Variants in RNF168 observed in about 807,000 individuals in gnomAD.
RNF168 encodes the protein E3 ubiquitin-protein ligase RNF168.
A neutral mutation model predicts 34.9 loss-of-function variants in RNF168; 34 were observed. The observed-to-expected ratio is 0.97, with a 90% CI of 0.74 to 1.30. The LOEUF (loss-of-function observed/expected upper bound fraction) is 1.30. Among genes scored for constraint, RNF168 ranks in the 50% most tolerant of loss-of-function variants. The pLI is 0.00. For missense variants in RNF168, 725 were observed against 682.5 expected, an observed-to-expected ratio of 1.06 and a Z score of -0.69; for synonymous variants, 264 against 254.7, an observed-to-expected ratio of 1.04 and a Z score of -0.35.
intron 1 of RNF168, among the ~76,000 whole-genome samples, chr3:196,490,167 G>A (rs7433483): frequency 0.74 from 113,280 of 152,078 alleles, 43,985 homozygotes; most frequent in African/African-American, 0.93. Flanking sequence ...GCAGGACTAG[G>A]GAAACAGTAA....
rs1732944307 is a variant in RNF168 at position 196,503,110 on chromosome 3, T to C, written c.64A>G (p.Ile22Val). Residue 22 changes from isoleucine to valine, a missense_variant, in exon 1 of 6, where the codon ATC becomes GTC. Transcript: ENST00000318037. ...GGGAGGGTGACGGGCTCCACGAGGATTTCCATGCAGATCCCGCACTGGCAC... is the reference window on the plus strand; with the variant it reads ...GGGAGGGTGACGGGCTCCACGAGGACTTCCATGCAGATCCCGCACTGGCAC... ...SECQCGICME[I>V]LVEPVTLPCN... The C allele has an allele frequency of 4.3e-6, 7 of 1,613,896 alleles. No individual in the cohort carries two copies. Among genetic ancestry groups the C allele is most frequent in the Non-Finnish European group, 5.9e-6 (7 of 1,179,954 alleles).
chr3:196,490,302 CTG>C (rs535330859), intron 1 of RNF168, among the ~76,000 whole-genome samples: 377 of 152,274 alleles, frequency 2.5e-3, no homozygotes, highest in African/African-American at 8.2e-3. Flanking sequence ...AAACAAGACA[CTG>C]TTTTATAAAG....
intron 3 of RNF168, among the ~76,000 whole-genome samples, chr3:196,484,484 T>A (rs1029207082): frequency 1.4e-5 from 2 of 145,192 alleles, no homozygotes; most frequent in Non-Finnish European, 3.0e-5. Context: ...TTTTTTTTTT[T>A]TTTTTTTTTT....
chr3:196,498,909 C>G (rs1386651592), intron 1 of RNF168, among the ~76,000 whole-genome samples: 1 of 151,636 alleles, frequency 6.6e-6, no homozygotes, highest in Non-Finnish European at 1.5e-5. Context: ...GCAGGAGAAT[C>G]ACTTGAACCC....
At chr3:196,480,672 C>G (rs1220824474) in intron 4 of RNF168, among the ~76,000 whole-genome samples, 1 of 152,090 alleles carries the variant, frequency 6.6e-6, no homozygotes, top group Non-Finnish European at 1.5e-5. Context: ...GAGACATGGT[C>G]TTGTCTGTTG....
chr3:196,487,426 T>C lies in RNF168; in HGVS notation c.531A>G (p.Glu177=), dbSNP rs1425328957. 6 of 1,614,186 alleles carry C rather than the reference T, an allele frequency of 3.7e-6. No individual in the cohort carries two copies. The highest frequency in any genetic ancestry group is 5.1e-6 in the Non-Finnish European group (6 of 1,180,002). ...AMEEQLKSDE[E]LARKLSIDIN... is the part of the protein sequence containing the mutation. ...TATCAATGCTTAGCTTTCTTGCCAG[T>C]TCCTCATCACTTTTCAGTTGTTCTT... Residue 177 remains glutamate (E), a synonymous_variant, in exon 3 of 6, where the codon GAA becomes GAG. Coordinates refer to ENST00000318037, the MANE Select transcript of RNF168 (RefSeq NM_152617.4).
rs1732037095 is a variant in RNF168, at chr3:196,472,574, G to A, written c.961C>T (p.His321Tyr). ...EGNVKTRPSNHGKELCVLSHE... is the reference protein window; with the variant it reads ...EGNVKTRPSNYGKELCVLSHE... ...CTTAAGACACATAACTCTTTCCCAT[G>A]ATTGCTTGGTCTTGTTTTGACGTTT... Residue 321 changes from histidine (H) to tyrosine (Y), a missense_variant, in exon 6 of 6, where the codon CAT becomes TAT. Transcript: ENST00000318037. 2 of 1,614,214 alleles carry A rather than the reference G, an allele frequency of 1.2e-6. No homozygotes were observed. The highest frequency in any genetic ancestry group is 1.3e-5 in the African/African-American group (1 of 75,058).
chr3:196,500,117 T>A (rs1055482003), intron 1 of RNF168, among the ~76,000 whole-genome samples: 1 of 152,084 alleles, frequency 6.6e-6, no homozygotes, highest in African/African-American at 2.4e-5. Flanking sequence ...CAATCACACA[T>A]AGAATTACCA....
rs755314562 is a variant in RNF168, at chr3:196,483,787, GTTTC to G, written c.659_662del (p.Arg220ThrfsTer9). ...TCACTTACTTCTGAATATCTCCAGT[GTTTC>G]TTTGTTTGTTCTTACTTTTCTTTTC... is the stretch of plus-strand genomic sequence containing the variant. On this transcript the variant is annotated frameshift_variant, in exon 4 of 6. Coordinates refer to ENST00000318037, the MANE Select transcript of RNF168 (RefSeq NM_152617.4). LOFTEE classifies it high-confidence loss of function. 1.7e-5 allele frequency: 28 copies of G among 1,611,192 alleles called. No homozygotes were observed. The highest frequency in any genetic ancestry group is 1.6e-4 in the East Asian group (7 of 44,826).
intron 1 of RNF168, among the ~76,000 whole-genome samples, chr3:196,498,131 C>T (rs1348935585): frequency 6.6e-6 from 1 of 152,136 alleles, no homozygotes; most frequent in Non-Finnish European, 1.5e-5. Context: ...CAAAATGACA[C>T]AACCACTTTC....
chr3:196,481,449 AAAAGG>A (rs1443935797), intron 4 of RNF168, among the ~76,000 whole-genome samples: 1 of 152,148 alleles, frequency 6.6e-6, no homozygotes, highest in Non-Finnish European at 1.5e-5. Flanking sequence ...GAAAAAAAAA[AAAAGG>A]AAATAATTTC....
chr3:196,478,689 CAG>C (rs144928776), intron 4 of RNF168, among the ~76,000 whole-genome samples: 5,767 of 151,892 alleles, frequency 0.038, 363 homozygotes, highest in African/African-American at 0.13. Flanking sequence ...TTTTGGGGGA[CAG>C]AGTCTCACTC....
At chr3:196,475,088 T>A in intron 5 of RNF168, 143 bp downstream of exon 5, 1 of 628,508 alleles carries the variant, frequency 1.6e-6, no homozygotes, top group Non-Finnish European at 2.9e-6. Context: ...AAGTGCTTTT[T>A]CTCTAGGTGA....
intron 1 of RNF168, among the ~76,000 whole-genome samples, chr3:196,489,169 T>G (rs981948401): frequency 3.9e-5 from 6 of 152,104 alleles, no homozygotes; most frequent in African/African-American, 1.2e-4. Flanking sequence ...AATTCCATTT[T>G]GTGAGGCCAG....
At chr3:196,474,062 G>A (rs1732079286) in intron 5 of RNF168, among the ~76,000 whole-genome samples, 1 of 151,858 alleles carries the variant, frequency 6.6e-6, no homozygotes, top group African/African-American at 2.4e-5. Flanking sequence ...CTGCTGCTGA[G>A]GACTCCTGCT....
chr3:196,498,080 G>A (rs990253714), intron 1 of RNF168, among the ~76,000 whole-genome samples: 5 of 152,212 alleles, frequency 3.3e-5, no homozygotes, highest in African/African-American at 1.2e-4. Flanking sequence ...AAGTTGGTAA[G>A]ATGTACGGCA....
intron 4 of RNF168, among the ~76,000 whole-genome samples, chr3:196,476,421 T>TA (rs1732151605): frequency 6.6e-6 from 1 of 151,352 alleles, no homozygotes; most frequent in South Asian, 2.1e-4. Context: ...CTCTCTTCTT[T>TA]TTTTTTTTTT....
At chr3:196,477,665 T>C (rs1046954736) in intron 4 of RNF168, among the ~76,000 whole-genome samples, 2 of 152,226 alleles carry the variant, frequency 1.3e-5, no homozygotes, top group Admixed American at 1.3e-4. Flanking sequence ...AACAGTTGTT[T>C]TGACGTTCAT....
intron 5 of RNF168, among the ~76,000 whole-genome samples, chr3:196,473,510 C>T (rs1732065924): frequency 1.3e-5 from 2 of 152,190 alleles, no homozygotes; most frequent in African/African-American, 2.4e-5. Flanking sequence ...CCACAAGGCA[C>T]AACTGCAGTC....
Sources: gnomAD v4.1 joint callset for allele counts (sites outside exome capture counted in the v4.1 genomes callset) on GRCh38, gnomAD v4.1.1 for gene constraint, MANE v1.5 for transcripts, NCBI Gene and HGNC (gene_info 2026-07-23, HGNC 2026-07-21) for gene names.